The following TLE4 variants were observed in gnomAD, a reference collection of about 807,000 sequenced individuals.
TLE4 encodes the protein TLE family member 4, transcriptional corepressor.
In TLE4, 8 loss-of-function variants were observed where a neutral mutation model predicts 92.8. The observed-to-expected ratio is 0.09, with a 90% CI of 0.05 to 0.16. The LOEUF (loss-of-function observed/expected upper bound fraction) is 0.16, where lower values mean the gene tolerates loss of function less well. Among genes scored for constraint, TLE4 ranks in the 10% least tolerant of loss-of-function variants. The probability of loss-of-function intolerance (pLI) is 1.00; values close to 1 mark genes in which losing one functional copy is unlikely to be tolerated. For missense variants in TLE4, 675 were observed against 997.6 expected (o/e 0.68, Z 4.36); for synonymous variants, 371 against 374.1 (o/e 0.99, Z 0.10).
intron 6 of TLE4, among the ~76,000 whole-genome samples, chr9:79,651,406 G>A (rs2058967836): frequency 6.6e-6 from 1 of 152,164 alleles, no homozygotes; most frequent in Admixed American, 6.5e-5. Flanking sequence ...AGCCTCAGCT[G>A]AGGTCAAGCA....
chr9:79,663,039 C>T (rs903581840), intron 8 of TLE4, among the ~76,000 whole-genome samples: 2 of 151,264 alleles, frequency 1.3e-5, no homozygotes, highest in Non-Finnish European at 2.9e-5. Context: ...TTTTAACCTC[C>T]CAACCTGGGT....
intron 1 of TLE4, 32 bp downstream of exon 1, chr9:79,572,867 G>C (rs374576438): frequency 6.3e-7 from 1 of 1,583,160 alleles, no homozygotes. Context: ...CGGGCTCGCC[G>C]GGTGCTGGGG....
intron 6 of TLE4, among the ~76,000 whole-genome samples, chr9:79,642,247 A>C (rs529345551): frequency 2.8e-4 from 43 of 152,032 alleles, no homozygotes; most frequent in Non-Finnish European, 5.3e-4. Context: ...AAAAGAAAAA[A>C]AAGAAGAAGA....
intron 8 of TLE4, among the ~76,000 whole-genome samples, chr9:79,660,381 T>C (rs1251481667): frequency 6.6e-6 from 1 of 152,210 alleles, no homozygotes; most frequent in Non-Finnish European, 1.5e-5. Flanking sequence ...GGCCATACCA[T>C]TAGCCAAGTA....
chr9:79,706,714 G>C, intron 10 of TLE4, 33 bp from the exon 11 acceptor site: 1 of 1,600,058 alleles, frequency 6.2e-7, no homozygotes, highest in Non-Finnish European at 8.5e-7. Context: ...AATGTGCTGT[G>C]CTTGCATTAC....
chr9:79,619,762 A>G (rs1166931548), intron 5 of TLE4, among the ~76,000 whole-genome samples: 1 of 152,216 alleles, frequency 6.6e-6, no homozygotes, highest in African/African-American at 2.4e-5. Flanking sequence ...ATGTCCTAAA[A>G]TGAATAATAG....
intron 6 of TLE4, among the ~76,000 whole-genome samples, chr9:79,651,557 C>T (rs899382468): frequency 3.9e-5 from 6 of 152,178 alleles, no homozygotes; most frequent in African/African-American, 1.2e-4. Flanking sequence ...CAGAGTCGGC[C>T]GCTAGAGAAG....
intron 11 of TLE4, 187 bp downstream of exon 11, chr9:79,707,086 A>T: frequency 6.2e-7 from 1 of 1,603,592 alleles, no homozygotes; most frequent in Non-Finnish European, 8.5e-7. Flanking sequence ...CTTGTTGGTG[A>T]TGAGTGTTTA....
chr9:79,720,460 G>GAAC (rs751272618), intron 16 of TLE4, among the ~76,000 whole-genome samples, 167 bp downstream of exon 16: 2 of 151,170 alleles, frequency 1.3e-5, no homozygotes, highest in Non-Finnish European at 2.9e-5. Flanking sequence ...AAATTGTTCA[G>GAAC]AACAGGTCCA....
intron 8 of TLE4, chr9:79,671,456 A>C (rs1356525584): frequency 8.9e-6 from 3 of 337,070 alleles, no homozygotes; most frequent in Non-Finnish European, 1.8e-5. Context: ...TATCTGTAAA[A>C]TGGACTTCTC....
chr9:79,607,663 G>C (rs1204967705), intron 4 of TLE4, among the ~76,000 whole-genome samples: 1 of 152,090 alleles, frequency 6.6e-6, no homozygotes, highest in African/African-American at 2.4e-5. Flanking sequence ...TGTCAGGTTT[G>C]TCAAAGGTCA....
chr9:79,651,384 A>G (rs921189519), intron 6 of TLE4, among the ~76,000 whole-genome samples: 19 of 152,188 alleles, frequency 1.2e-4, no homozygotes, highest in African/African-American at 4.6e-4. Flanking sequence ...TTCCTGTAGC[A>G]GAGTTTGACG....
chr9:79,596,787 T>C (rs2044139658), intron 4 of TLE4, among the ~76,000 whole-genome samples: 1 of 152,194 alleles, frequency 6.6e-6, no homozygotes, highest in South Asian at 2.1e-4. Context: ...CAGCCAGATA[T>C]GGGGCAGCCA....
chr9:79,714,883 C>T (rs2074160377), intron 14 of TLE4, among the ~76,000 whole-genome samples: 2 of 152,200 alleles, frequency 1.3e-5, no homozygotes, highest in Admixed American at 6.5e-5. Context: ...GTTGACTTCC[C>T]TCATACCTTC....
At chr9:79,617,954 C>G (rs183064283) in intron 5 of TLE4, among the ~76,000 whole-genome samples, 2 of 152,312 alleles carry the variant, frequency 1.3e-5, no homozygotes. Context: ...TATCGACGTT[C>G]ATCATCCTTG....
At chr9:79,712,981 G>C (rs1308821662) in intron 14 of TLE4, among the ~76,000 whole-genome samples, 2 of 152,240 alleles carry the variant, frequency 1.3e-5, no homozygotes, top group East Asian at 1.9e-4. Flanking sequence ...TTTCAAATGA[G>C]AATAATGCCT....
intron 14 of TLE4, among the ~76,000 whole-genome samples, chr9:79,714,254 T>A (rs1255405780): frequency 6.6e-6 from 1 of 152,206 alleles, no homozygotes; most frequent in Non-Finnish European, 1.5e-5. Context: ...ACTCCCTTTA[T>A]CCCTCAAAAA....
chr9:79,703,765 A>G (rs2070661810), intron 8 of TLE4, among the ~76,000 whole-genome samples: 1 of 152,180 alleles, frequency 6.6e-6, no homozygotes, highest in Non-Finnish European at 1.5e-5. Flanking sequence ...CATGAAAACT[A>G]TAGGAGTGAG....
intron 4 of TLE4, among the ~76,000 whole-genome samples, chr9:79,609,462 TGA>T (rs971219336): frequency 3.9e-5 from 6 of 152,072 alleles, no homozygotes; most frequent in Non-Finnish European, 7.4e-5. Context: ...TGGGTAATTT[TGA>T]GAGAGAGGAA....
Sources: gnomAD v4.1 joint callset for allele counts (sites outside exome capture counted in the v4.1 genomes callset) on GRCh38, gnomAD v4.1.1 for gene constraint, MANE v1.5 for transcripts, NCBI Gene and HGNC (gene_info 2026-07-23, HGNC 2026-07-21) for gene names.